The following CEP128 variants were observed in gnomAD, a reference collection of about 807,000 sequenced individuals.
The protein encoded by CEP128 is centrosomal protein 128.
Under a neutral mutation model 156.7 loss-of-function variants are expected in CEP128, and 132 were observed. That is an observed-to-expected ratio of 0.84 (90% CI 0.73 to 0.97). The LOEUF is 0.97. Among genes scored for constraint, CEP128 ranks in the 50% least tolerant of loss-of-function variants. The probability of loss-of-function intolerance (pLI) is 0.00; values close to 1 mark genes in which losing one functional copy is unlikely to be tolerated. For missense variants in CEP128, 1,252 were observed against 1,281.9 expected (o/e 0.98, Z 0.36); for synonymous variants, 469 against 448.9 (o/e 1.04, Z -0.57).
chr14:80,604,974 C>T (rs776172184), intron 19 of CEP128, among the ~76,000 whole-genome samples: 79 of 152,192 alleles, frequency 5.2e-4, no homozygotes, highest in Middle Eastern at 3.4e-3. Context: ...ACTCAAGTTT[C>T]TGGACAAGTT....
At chr14:80,599,676 T>G (rs890813816) in intron 19 of CEP128, among the ~76,000 whole-genome samples, 1 of 152,052 alleles carries the variant, frequency 6.6e-6, no homozygotes, top group Non-Finnish European at 1.5e-5. Flanking sequence ...AAAAAAAAAC[T>G]TGGTCATACT....
chr14:80,944,589 G>A (rs993604458), upstream of CEP128, among the ~76,000 whole-genome samples: 3 of 152,014 alleles, frequency 2.0e-5, no homozygotes, highest in South Asian at 2.1e-4. Flanking sequence ...TTGGGAGGCT[G>A]AGGCAGGCGG....
At chr14:80,507,371 A>T (rs897257629) in intron 23 of CEP128, among the ~76,000 whole-genome samples, 4 of 152,212 alleles carry the variant, frequency 2.6e-5, no homozygotes, top group Non-Finnish European at 4.4e-5. Context: ...GATATACATT[A>T]TGCCCCAAAT....
intron 13 of CEP128, among the ~76,000 whole-genome samples, chr14:80,799,467 G>A (rs567202877): frequency 2.8e-4 from 43 of 152,270 alleles, no homozygotes; most frequent in East Asian, 9.6e-4. Context: ...GAGTAACAGC[G>A]ATTTTTAGGG....
At position 80,667,758 on chromosome 14, in the gene CEP128, T is replaced by C. The variant is rs570613062; in HGVS notation, c.2806+75317A>G. On this transcript the variant is annotated intron_variant, in intron 19 of 24. Coordinates refer to ENST00000555265, the MANE Select transcript of CEP128 (RefSeq NM_152446.5). ...CTGTAGTCCCAGCTACTCGGGAGGCTGAGGCAGGAGAATGGCATGAACCCG... is the reference window on the plus strand; with the variant it reads ...CTGTAGTCCCAGCTACTCGGGAGGCCGAGGCAGGAGAATGGCATGAACCCG... 3.2e-3 allele frequency among the ~76,000 whole-genome samples: 477 copies of C among 148,484 alleles called. 1 individual carries two copies. The highest frequency in any genetic ancestry group is 0.011 in the African/African-American group (455 of 39,888).
At chr14:80,573,775 A>G (rs570409754) in intron 20 of CEP128, among the ~76,000 whole-genome samples, 1 of 152,248 alleles carries the variant, frequency 6.6e-6, no homozygotes, top group Non-Finnish European at 1.5e-5. Context: ...CTTTGTACCA[A>G]ATTTAAGGTT....
chr14:80,647,587 G>A (rs1164743435), intron 19 of CEP128, among the ~76,000 whole-genome samples: 3 of 151,746 alleles, frequency 2.0e-5, no homozygotes, highest in Non-Finnish European at 4.4e-5. Flanking sequence ...TCTAACTTTT[G>A]AGACCTACTG....
chr14:80,840,217 C>T (rs1242293164), intron 10 of CEP128, among the ~76,000 whole-genome samples: 1 of 152,076 alleles, frequency 6.6e-6, no homozygotes, highest in Non-Finnish European at 1.5e-5. Context: ...CTAAGCTCTA[C>T]GTGTTCATAG....
At chr14:80,658,196 G>A (rs1342218960) in intron 19 of CEP128, among the ~76,000 whole-genome samples, 2 of 152,278 alleles carry the variant, frequency 1.3e-5, no homozygotes, top group Non-Finnish European at 2.9e-5. Flanking sequence ...TTTCTGATCT[G>A]ACATCGCTTA....
chr14:80,487,135 C>CA (rs1887183869), downstream of CEP128, among the ~76,000 whole-genome samples: 1 of 152,050 alleles, frequency 6.6e-6, no homozygotes, highest in Admixed American at 6.6e-5. Context: ...AAACCCATCT[C>CA]ACGTGCAGAG....
intron 6 of CEP128, among the ~76,000 whole-genome samples, chr14:80,904,549 T>G (rs939189014): frequency 2.0e-5 from 3 of 152,170 alleles, no homozygotes; most frequent in African/African-American, 7.2e-5. Flanking sequence ...GTTAATTAAC[T>G]TGATTTGATC....
intron 19 of CEP128, among the ~76,000 whole-genome samples, chr14:80,737,417 G>GA (rs991581786): frequency 2.6e-4 from 39 of 150,312 alleles, no homozygotes; most frequent in African/African-American, 7.9e-4. Context: ...AAAGAAAAAA[G>GA]AAAAAAAATT....
chr14:80,865,442 T>A (rs1887722514), intron 8 of CEP128, among the ~76,000 whole-genome samples: 2 of 152,320 alleles, frequency 1.3e-5, no homozygotes, highest in South Asian at 4.1e-4. Context: ...CCTTTGGATA[T>A]GTATCCAGAA....
intron 19 of CEP128, among the ~76,000 whole-genome samples, chr14:80,684,066 C>G (rs1896428376): frequency 2.0e-5 from 3 of 152,106 alleles, no homozygotes; most frequent in Middle Eastern, 6.8e-3. Flanking sequence ...AACCCAAAGC[C>G]AGCAGAGAAA....
chr14:80,597,930 A>G (rs1408767327), intron 19 of CEP128, among the ~76,000 whole-genome samples: 3 of 146,458 alleles, frequency 2.0e-5, no homozygotes, highest in African/African-American at 7.5e-5. Context: ...AAAAGGAACT[A>G]GAAGGGAATT....
intron 6 of CEP128, among the ~76,000 whole-genome samples, chr14:80,904,146 T>C (rs1883745064): frequency 6.6e-6 from 1 of 152,074 alleles, no homozygotes; most frequent in African/African-American, 2.4e-5. Flanking sequence ...CACAATGCAA[T>C]ACTATTCAGC....
At chr14:80,757,929 C>T (rs74455758) in intron 17 of CEP128, among the ~76,000 whole-genome samples, 9,525 of 152,270 alleles carry the variant, frequency 0.063, 325 homozygotes, top group Non-Finnish European at 0.075. Flanking sequence ...ATTCTCATAT[C>T]CTCCCTGCCT....
At chr14:80,689,596 G>A (rs1391892808) in intron 19 of CEP128, among the ~76,000 whole-genome samples, 1 of 152,130 alleles carries the variant, frequency 6.6e-6, no homozygotes, top group African/African-American at 2.4e-5. Context: ...AAAATATGCT[G>A]AATATGTTAG....
chr14:80,949,609 G>C (rs527990541), intron 2 of CEP128, among the ~76,000 whole-genome samples: 1 of 152,074 alleles, frequency 6.6e-6, no homozygotes, highest in Non-Finnish European at 1.5e-5. Context: ...GTATTGCCTC[G>C]GGAATGAGGA....
Sources: gnomAD v4.1 joint callset for allele counts (sites outside exome capture counted in the v4.1 genomes callset) on GRCh38, gnomAD v4.1.1 for gene constraint, MANE v1.5 for transcripts, NCBI Gene and HGNC (gene_info 2026-07-23, HGNC 2026-07-21) for gene names.